DLGAP3: variants seen among roughly 807,000 people sequenced by gnomAD.
DLGAP3 encodes the protein DLG associated protein 3.
Under a neutral mutation model 81.2 loss-of-function variants are expected in DLGAP3, and 17 were observed. The observed-to-expected ratio is 0.21, with a 90% CI of 0.14 to 0.31. The LOEUF (loss-of-function observed/expected upper bound fraction) is 0.31, where lower values mean the gene tolerates loss of function less well. DLGAP3 is among the 10% of genes least tolerant of loss of function. The pLI is 1.00. For missense variants in DLGAP3, 1,124 were observed against 1,388.0 expected, an observed-to-expected ratio of 0.81 and a Z score of 3.02; for synonymous variants, 577 against 587.4, an observed-to-expected ratio of 0.98 and a Z score of 0.26.
At chr1:34,878,149 A>G (rs1489211092) in intron 8 of DLGAP3, among the ~76,000 whole-genome samples, 1 of 152,168 alleles carries the variant, frequency 6.6e-6, no homozygotes, top group Non-Finnish European at 1.5e-5. Context: ...TCCTAAAAAT[A>G]CAAAAAAATT....
At chr1:34,880,076 A>G (rs1395358053) in intron 8 of DLGAP3, among the ~76,000 whole-genome samples, 1 of 152,164 alleles carries the variant, frequency 6.6e-6, no homozygotes, top group Non-Finnish European at 1.5e-5. Flanking sequence ...CTTTGACACA[A>G]GGTCTCAGAG....
chr1:34,901,816 T>A (rs1324259495), intron 3 of DLGAP3, among the ~76,000 whole-genome samples: 1 of 152,186 alleles, frequency 6.6e-6, no homozygotes, highest in African/African-American at 2.4e-5. Context: ...AACTCGATTA[T>A]GAAGGACATG....
chr1:34,912,947 C>T lies in DLGAP3; in HGVS notation c.-134-5510G>A, dbSNP rs549169526. Among the ~76,000 whole-genome samples, 3 of 152,360 alleles carry T rather than the reference C, an allele frequency of 2.0e-5. No individual in the cohort carries two copies. In the East Asian group the frequency reaches 5.8e-4, roughly 29 times the overall value. ...CTGAGCCCCCCTGACTGATTTGACA[C>T]TGGCTTTGCCCAGATGCCTGTGGCA... On this transcript the variant is annotated intron_variant, in intron 1 of 11. Coordinates refer to ENST00000373347, the MANE Select transcript of DLGAP3 (RefSeq NM_001080418.3).
At chr1:34,921,091 G>A (rs571183348) in intron 1 of DLGAP3, among the ~76,000 whole-genome samples, 5 of 152,328 alleles carry the variant, frequency 3.3e-5, no homozygotes, top group Non-Finnish European at 7.3e-5. Flanking sequence ...ACAAGGAACT[G>A]TGCTTTTTAT....
At chr1:34,885,854 C>T (rs1362417403) in intron 6 of DLGAP3, 63 bp from the exon 7 acceptor site, 4 of 1,317,544 alleles carry the variant, frequency 3.0e-6, no homozygotes, top group Non-Finnish European at 4.0e-6. Flanking sequence ...GGTCCTGGGC[C>T]CGCGCCCGAC....
At position 34,865,957 on chromosome 1, in the gene DLGAP3, G is replaced by A. The variant is rs749948233; in HGVS notation, c.*126C>T. 2.4e-6 allele frequency: 2 copies of A among 832,866 alleles called. No homozygotes were observed. Among genetic ancestry groups the A allele is most frequent in the South Asian group, 3.1e-5 (2 of 64,162 alleles). 51.6% of individuals were successfully genotyped at this position (832,866 alleles called of 1,614,324 possible). On this transcript the variant is annotated 3_prime_UTR_variant, in exon 12 of 12. Coordinates refer to ENST00000373347, the MANE Select transcript of DLGAP3 (RefSeq NM_001080418.3). ...CCACGAGAGTGTGACGGGCCCGGGGGCCGGGGCGTCCGGTGCCGGTGGGGC... is the reference window on the plus strand; with the variant it reads ...CCACGAGAGTGTGACGGGCCCGGGGACCGGGGCGTCCGGTGCCGGTGGGGC...
chr1:34,899,890 C>CAA (rs1241892576), intron 4 of DLGAP3, 149 bp from the exon 5 acceptor site: 7 of 918,414 alleles, frequency 7.6e-6, no homozygotes, highest in Non-Finnish European at 1.2e-5. Flanking sequence ...AAGAGACTCC[C>CAA]AAAGAGGCAC....
Position 34,873,419 on chromosome 1 carries a change from G to A in DLGAP3, c.2001-4330C>T, listed in dbSNP as rs953255138. On this transcript the variant is annotated intron_variant, in intron 8 of 11. Transcript: ENST00000373347. This position sits in a 1 kb window ranked among gnomAD's most constrained non-coding sequence, Gnocchi z 4.2. ...GCCCGTGTGCTCTGGAGCCTTGCCC[G>A]GGTCCAAAACCCAGCTCGGTGGCTT... Among the ~76,000 whole-genome samples the A allele has an allele frequency of 4.6e-5, 7 of 152,188 alleles. No homozygotes were observed. The highest frequency in any genetic ancestry group is 2.1e-4 in the South Asian group (1 of 4,820).
chr1:34,866,036 C>G lies in DLGAP3; in HGVS notation c.*47G>C. Reference sequence around the variant, plus strand: ...TGACCTCGACGCTGGGTGTACAGTACGGGTGGAGAACCGCGGGCCCGGGCC... The same window carrying G: ...TGACCTCGACGCTGGGTGTACAGTAGGGGTGGAGAACCGCGGGCCCGGGCC... On this transcript the variant is annotated 3_prime_UTR_variant, in exon 12 of 12. Transcript: ENST00000373347. 6.6e-7 allele frequency: 1 copy of G among 1,504,146 alleles called. No homozygotes were observed. Among genetic ancestry groups the G allele is most frequent in the Non-Finnish European group, 9.0e-7 (1 of 1,106,550 alleles). The allele number at this position is 1,504,146 out of a possible 1,614,324, so 93.2% of individuals were successfully genotyped here.
In DLGAP3 at chr1:34,868,978, C is replaced by T. The variant is rs1480982823; in HGVS notation, c.2112G>A (p.Gln704=). The change falls in exon 9 of 12, where the codon CAG becomes CAA. Residue 704 remains glutamine (Q), a synonymous_variant. Transcript: ENST00000373347. The surrounding 1 kb of genome is among the most constrained non-coding windows in gnomAD (Gnocchi z 7.5). ...CGTGCCTCTGGAAGGAGCGTCCAAACTGCAGGGCCTTGTCTTCTGTGGCCA... is the reference window on the plus strand; with the variant it reads ...CGTGCCTCTGGAAGGAGCGTCCAAATTGCAGGGCCTTGTCTTCTGTGGCCA... ...ATVATEDKAL[Q]FGRSFQRHAS... 1 of 1,609,290 alleles carries T rather than the reference C, an allele frequency of 6.2e-7. No individual in the cohort carries two copies.
Position 34,895,549 on chromosome 1 carries a change from C to T in DLGAP3, c.1386+4120G>A, listed in dbSNP as rs1160333400. ...CAGAGCAATCCCTTCAAATTCCCAA[C>T]TATATTTTTTATAGAAATCAACAAG... On this transcript the variant is annotated intron_variant, in intron 5 of 11. Transcript: ENST00000373347. The surrounding 1 kb of genome is among the most constrained non-coding windows in gnomAD (Gnocchi z 4.5). 6.6e-6 allele frequency among the ~76,000 whole-genome samples: 1 copy of T among 152,024 alleles called. No homozygotes were observed. Among genetic ancestry groups the T allele is most frequent in the African/African-American group, 2.4e-5 (1 of 41,402 alleles).
At chr1:34,898,203 T>C (rs1441489189) in intron 5 of DLGAP3, among the ~76,000 whole-genome samples, 1 of 151,408 alleles carries the variant, frequency 6.6e-6, no homozygotes, top group Non-Finnish European at 1.5e-5. Flanking sequence ...ACCTAAGGAG[T>C]AGGTATAGAG....
intron 8 of DLGAP3, among the ~76,000 whole-genome samples, chr1:34,884,198 C>T (rs974753430): frequency 2.6e-5 from 4 of 152,020 alleles, no homozygotes; most frequent in African/African-American, 9.7e-5. Context: ...GGATTACAGG[C>T]GTGAGCCACC....
intron 8 of DLGAP3, among the ~76,000 whole-genome samples, chr1:34,876,158 G>A (rs2148396449): frequency 6.6e-6 from 1 of 152,326 alleles, no homozygotes; most frequent in South Asian, 2.1e-4. Context: ...CTTGGCGGGG[G>A]GGTGGGGGTG....
chr1:34,877,972 A>T (rs143193208), intron 8 of DLGAP3, among the ~76,000 whole-genome samples: 5 of 152,378 alleles, frequency 3.3e-5, no homozygotes, highest in African/African-American at 1.2e-4. Flanking sequence ...ATATACATGG[A>T]TTAAATATGT....
intron 1 of DLGAP3, among the ~76,000 whole-genome samples, chr1:34,918,952 C>T (rs1177792273): frequency 1.3e-5 from 2 of 152,196 alleles, no homozygotes; most frequent in Non-Finnish European, 2.9e-5. Context: ...CCCCTCCCAT[C>T]CTCGTGTCTG....
At chr1:34,876,829 G>A (rs1639066721) in intron 8 of DLGAP3, among the ~76,000 whole-genome samples, 1 of 152,126 alleles carries the variant, frequency 6.6e-6, no homozygotes, top group Admixed American at 6.5e-5. Flanking sequence ...CACGTTCTCT[G>A]CCTGTCCCTG....
intron 5 of DLGAP3, among the ~76,000 whole-genome samples, chr1:34,896,413 C>T (rs1218604356): frequency 6.6e-6 from 1 of 151,994 alleles, no homozygotes; most frequent in Non-Finnish European, 1.5e-5. Context: ...ATAGTGAAAC[C>T]CCGTCTCTAC....
chr1:34,906,016 T>TTTTATATATA lies in DLGAP3; in HGVS notation c.-51-583_-51-582insTATATATAAA, dbSNP rs60469155. On this transcript the variant is annotated intron_variant, in intron 2 of 11. Transcript: ENST00000373347. ...ACAGAGCGAGACCTGGCCTCTAAAT[T>TTTTATATATA]TATATATATATATATATTTGTTTGT... Among the ~76,000 whole-genome samples the TTTTATATATA allele has an allele frequency of 1.9e-4, 12 of 64,802 alleles. 1 individual carries two copies. The highest frequency in any genetic ancestry group is 4.2e-4 in the African/African-American group (9 of 21,618). 42.5% of individuals were successfully genotyped at this position (64,802 alleles called of 152,430 possible).
Sources: allele counts gnomAD v4.1 joint callset (sites outside exome capture counted in the v4.1 genomes callset), GRCh38; gene constraint gnomAD v4.1.1; non-coding constraint Gnocchi (gnomAD v3.1); transcripts MANE v1.5; gene names NCBI Gene and HGNC (gene_info 2026-07-23, HGNC 2026-07-21).